Variants in FMN2 observed in about 807,000 individuals in gnomAD.
FMN2 encodes formin 2.
In FMN2, 51 loss-of-function variants were observed where a neutral mutation model predicts 142.3. The ratio of observed to expected loss-of-function variants is 0.36; its 90% CI spans 0.29 to 0.45. The LOEUF (loss-of-function observed/expected upper bound fraction) is 0.45. Among genes scored for constraint, FMN2 ranks in the 20% least tolerant of loss-of-function variants. FMN2 has a pLI of 1.00. For synonymous variants in FMN2, 882 were observed against 869.8 expected, an observed-to-expected ratio of 1.01 and a Z score of -0.25; for missense variants, 1,936 against 2,122.8, an observed-to-expected ratio of 0.91 and a Z score of 1.73.
intron 6 of FMN2, among the ~76,000 whole-genome samples, chr1:240,254,832 G>T (rs1668398026): frequency 6.6e-6 from 1 of 152,148 alleles, no homozygotes; most frequent in Non-Finnish European, 1.5e-5. Context: ...GGAGCCCCGG[G>T]GATGTGGAGA....
chr1:240,160,764 G>A (rs1370245368), intron 2 of FMN2, among the ~76,000 whole-genome samples: 1 of 151,894 alleles, frequency 6.6e-6, no homozygotes, highest in Non-Finnish European at 1.5e-5. Flanking sequence ...ATATGGTCTA[G>A]AAGATAAATA....
At chr1:240,104,297 T>C (rs1280668955) in intron 1 of FMN2, among the ~76,000 whole-genome samples, 1 of 151,922 alleles carries the variant, frequency 6.6e-6, no homozygotes, top group Non-Finnish European at 1.5e-5. Context: ...CAGGATCTAC[T>C]ATTCCTCACC....
intron 16 of FMN2, among the ~76,000 whole-genome samples, chr1:240,442,774 A>G (rs1675670763): frequency 6.6e-6 from 1 of 152,148 alleles, no homozygotes; most frequent in Non-Finnish European, 1.5e-5. Context: ...TGGTTGATAT[A>G]TTTCTCAAAA....
rs1194381688 is a variant in FMN2, at chr1:240,092,814, C to T, written c.705C>T (p.Pro235=). The T allele has an allele frequency of 1.3e-6, 2 of 1,578,214 alleles. No homozygotes were observed. The highest frequency in any genetic ancestry group is 3.7e-5 in the Admixed American group (2 of 54,032). The part of the protein sequence containing the change: ...QLQGAEEPAA[P]PTAVSPQPGA... The stretch of plus-strand genomic sequence containing the variant: ...AGGGCGCCGAGGAGCCTGCAGCGCC[C>T]CCCACTGCCGTCTCCCCTCAGCCCG... Residue 235 remains proline, a synonymous_variant, in exon 1 of 18, where the codon CCC becomes CCT. Coordinates refer to ENST00000319653, the MANE Select transcript of FMN2 (RefSeq NM_020066.5).
chr1:240,334,314 T>C, intron 13 of FMN2, 85 bp downstream of exon 13: 2 of 1,393,502 alleles, frequency 1.4e-6, no homozygotes, highest in Non-Finnish European at 1.9e-6. Flanking sequence ...TAGAGAAAAG[T>C]AATCTTTTTT....
At chr1:240,338,680 G>A (rs887798214) in intron 13 of FMN2, among the ~76,000 whole-genome samples, 6 of 152,288 alleles carry the variant, frequency 3.9e-5, no homozygotes, top group Non-Finnish European at 5.9e-5. Context: ...ACTTAGGACA[G>A]TGGTCCCCAG....
rs548742711 is a variant in FMN2 at position 240,122,308 on chromosome 1, G to A, written c.1616-871G>A. On this transcript the variant is annotated intron_variant, in intron 1 of 17. Transcript: ENST00000319653. Reference sequence around the variant, plus strand: ...GATGGAGTTTCGCTCTTGTCTCCCAGGCTAGAGTGCAGTGGTGCGATCTCG... The same window carrying A: ...GATGGAGTTTCGCTCTTGTCTCCCAAGCTAGAGTGCAGTGGTGCGATCTCG... 1.5e-4 allele frequency among the ~76,000 whole-genome samples: 23 copies of A among 151,886 alleles called. No homozygotes were observed. In the South Asian group the frequency reaches 3.9e-3, roughly 26 times the overall value.
intron 7 of FMN2, among the ~76,000 whole-genome samples, chr1:240,272,562 C>T (rs1253706148): frequency 6.6e-6 from 1 of 152,120 alleles, no homozygotes; most frequent in Non-Finnish European, 1.5e-5. Context: ...TCCCTGGCCA[C>T]CTTTATCCAG....
intron 13 of FMN2, among the ~76,000 whole-genome samples, chr1:240,338,375 T>TC (rs1671633098): frequency 6.6e-6 from 1 of 152,174 alleles, no homozygotes; most frequent in African/African-American, 2.4e-5. Flanking sequence ...TTTCCTTTTT[T>TC]CCCCTTATGT....
chr1:240,174,268 C>T (rs1034796886), intron 2 of FMN2, among the ~76,000 whole-genome samples: 1 of 152,130 alleles, frequency 6.6e-6, no homozygotes, highest in Non-Finnish European at 1.5e-5. Flanking sequence ...AGAACTGTAG[C>T]TAACTGTAGC....
At chr1:240,305,001 T>C (rs1458809478) in intron 8 of FMN2, among the ~76,000 whole-genome samples, 3 of 152,232 alleles carry the variant, frequency 2.0e-5, no homozygotes, top group Admixed American at 2.0e-4. Context: ...AATAGATCCC[T>C]GGCACTTTCT....
At chr1:240,389,202 A>G (rs1254646772) in intron 14 of FMN2, among the ~76,000 whole-genome samples, 1 of 152,228 alleles carries the variant, frequency 6.6e-6, no homozygotes, top group African/African-American at 2.4e-5. Flanking sequence ...TTATCTGTAC[A>G]TAAGAAACTG....
intron 7 of FMN2, among the ~76,000 whole-genome samples, chr1:240,261,351 C>T (rs1313353155): frequency 1.4e-5 from 2 of 145,606 alleles, no homozygotes; most frequent in Non-Finnish European, 1.5e-5. Context: ...TTAACCAGTA[C>T]TTTTTTTTTT....
intron 14 of FMN2, among the ~76,000 whole-genome samples, chr1:240,365,655 A>G (rs1672644584): frequency 1.3e-5 from 2 of 152,280 alleles, no homozygotes; most frequent in Non-Finnish European, 2.9e-5. Flanking sequence ...ATATGGAACT[A>G]TTCTTCTATG....
intron 3 of FMN2, chr1:240,180,070 C>A: frequency 1.6e-6 from 1 of 615,148 alleles, no homozygotes; most frequent in Non-Finnish European, 2.4e-6. Flanking sequence ...AGTTTGTCAC[C>A]TGGTTTTTGC....
chr1:240,472,010 T>C, intron 16 of FMN2: 1 of 175,906 alleles, frequency 5.7e-6, no homozygotes, highest in South Asian at 1.4e-4. Flanking sequence ...ATTTATATAA[T>C]AGAATCAATC....
chr1:240,217,914 G>A (rs756049283), intron 6 of FMN2, among the ~76,000 whole-genome samples: 4 of 151,942 alleles, frequency 2.6e-5, no homozygotes, highest in Non-Finnish European at 5.9e-5. Context: ...TTAGGTAATC[G>A]TGCTTTGGAA....
chr1:240,215,317 A>G (rs1490291605), intron 6 of FMN2, among the ~76,000 whole-genome samples: 1 of 152,200 alleles, frequency 6.6e-6, no homozygotes, highest in Non-Finnish European at 1.5e-5. Flanking sequence ...TAGCACTTAT[A>G]TCAGCTCATA....
At chr1:240,444,971 T>A (rs1675755600) in intron 16 of FMN2, among the ~76,000 whole-genome samples, 1 of 152,212 alleles carries the variant, frequency 6.6e-6, no homozygotes, top group African/African-American at 2.4e-5. Flanking sequence ...TTGCATTGCA[T>A]GATAAATGAA....
Sources: gnomAD v4.1 joint callset for allele counts (sites outside exome capture counted in the v4.1 genomes callset) on GRCh38, gnomAD v4.1.1 for gene constraint, MANE v1.5 for transcripts, NCBI Gene and HGNC (gene_info 2026-07-23, HGNC 2026-07-21) for gene names.